The following SYN3 variants were observed in gnomAD, a reference collection of about 807,000 sequenced individuals.
SYN3 encodes synapsin-3.
SYN3 carries 35 observed loss-of-function variants against 65.8 expected under a neutral mutation model. The ratio of observed to expected loss-of-function variants is 0.53; its 90% CI spans 0.41 to 0.70. The LOEUF is 0.70. Among genes scored for constraint, SYN3 ranks in the 30% least tolerant of loss-of-function variants. The probability of loss-of-function intolerance (pLI) is 0.00; values close to 1 mark genes in which losing one functional copy is unlikely to be tolerated. For missense variants in SYN3, 680 were observed against 749.0 expected (o/e 0.91, Z 1.08); for synonymous variants, 270 against 292.9 (o/e 0.92, Z 0.80).
Position 32,958,115 on chromosome 22 carries a change from A to G in SYN3, c.369+22530T>C, listed in dbSNP as rs549834961. 4.2e-4 allele frequency among the ~76,000 whole-genome samples: 64 copies of G among 152,322 alleles called. 1 individual carries two copies. Among genetic ancestry groups the G allele is most frequent in the Admixed American group, 9.1e-4 (14 of 15,312 alleles). The stretch of plus-strand genomic sequence containing the variant: ...ATGCTCAACTCACAATGACATTCAC[A>G]TGTCCAGTGTCCACAAATAGCTGTA... On this transcript the variant is annotated intron_variant, in intron 3 of 13. Coordinates refer to ENST00000358763, the MANE Select transcript of SYN3 (RefSeq NM_003490.4).
intron 6 of SYN3, among the ~76,000 whole-genome samples, chr22:32,825,657 C>CAA (rs130292): frequency 3.5e-5 from 1 of 28,594 alleles, no homozygotes; most frequent in Non-Finnish European, 6.1e-5. Flanking sequence ...GTTTCCATCT[C>CAA]AAAAAAAAAA....
At chr22:32,679,048 C>CTTTTTTTTTTTTTTTTTTTTTTTTTTTT (rs145971116) in intron 6 of SYN3, among the ~76,000 whole-genome samples, 2 of 85,658 alleles carry the variant, frequency 2.3e-5, no homozygotes, top group Non-Finnish European at 4.2e-5. Context: ...TTGTTTCTTT[C>CTTTTTTTTTTTTTTTTTTTTTTTTTTTT]TTTTTTTTTT....
intron 6 of SYN3, among the ~76,000 whole-genome samples, chr22:32,776,033 C>T (rs150331098): frequency 1.3e-5 from 2 of 152,106 alleles, no homozygotes; most frequent in African/African-American, 2.4e-5. Context: ...TATCCTTATA[C>T]GAGGCAGGCA....
At chr22:32,874,603 C>A (rs1313657606) in intron 4 of SYN3, among the ~76,000 whole-genome samples, 6 of 152,154 alleles carry the variant, frequency 3.9e-5, no homozygotes, top group Non-Finnish European at 7.3e-5. Flanking sequence ...TGCCTGGGAC[C>A]TAAGTTAATC....
chr22:32,983,961 CA>C (rs2052444327), intron 2 of SYN3, among the ~76,000 whole-genome samples: 2 of 151,854 alleles, frequency 1.3e-5, no homozygotes, highest in Admixed American at 1.3e-4. Flanking sequence ...AGTTGGAGTC[CA>C]GACTGGCCAA....
intron 6 of SYN3, among the ~76,000 whole-genome samples, chr22:32,717,360 C>T (rs1013226176): frequency 2.6e-5 from 4 of 152,134 alleles, no homozygotes; most frequent in Non-Finnish European, 5.9e-5. Context: ...TGTTTGGGGC[C>T]CAATATCTGA....
At chr22:32,951,286 G>A (rs1396465520) in intron 3 of SYN3, among the ~76,000 whole-genome samples, 1 of 151,762 alleles carries the variant, frequency 6.6e-6, no homozygotes, top group African/African-American at 2.4e-5. Flanking sequence ...GGGCTTCCCT[G>A]AGCCAGCAGC....
chr22:32,904,913 T>C (rs893788380), intron 4 of SYN3, among the ~76,000 whole-genome samples: 2 of 152,190 alleles, frequency 1.3e-5, no homozygotes, highest in East Asian at 3.8e-4. Context: ...CTCCTGTCCA[T>C]GGATAATGGT....
chr22:32,795,752 T>C (rs1009905418), intron 6 of SYN3, among the ~76,000 whole-genome samples: 2 of 152,044 alleles, frequency 1.3e-5, no homozygotes, highest in Admixed American at 6.5e-5. Flanking sequence ...AAGGTATAGA[T>C]GGAGAGGTAG....
intron 6 of SYN3, among the ~76,000 whole-genome samples, chr22:32,770,219 C>T (rs1222880280): frequency 6.6e-6 from 1 of 152,176 alleles, no homozygotes; most frequent in Admixed American, 6.5e-5. Flanking sequence ...CTATCACTAA[C>T]TCCTGATCCA....
intron 3 of SYN3, among the ~76,000 whole-genome samples, chr22:32,958,413 C>G (rs543696880): frequency 6.6e-6 from 1 of 152,224 alleles, no homozygotes; most frequent in Admixed American, 6.5e-5. Flanking sequence ...TTATCCCAGC[C>G]AGTACATTAG....
chr22:32,596,821 C>G lies in SYN3; in HGVS notation c.712-85G>C, dbSNP rs530847850. On this transcript the variant is annotated intron_variant, in intron 6 of 13. Coordinates refer to ENST00000358763, the MANE Select transcript of SYN3 (RefSeq NM_003490.4). ...GGTGCTGCTTGTTCCATAGAAAGAT[C>G]CATTCATTTCATATGGTCGGGAATC... 2.6e-5 allele frequency: 36 copies of G among 1,366,340 alleles called. No homozygotes were observed. In the African/African-American group the frequency reaches 4.6e-4, roughly 17 times the overall value. 84.6% of individuals were successfully genotyped at this position (1,366,340 alleles called of 1,614,324 possible). A position where few individuals can be genotyped will look rare whatever the true frequency, so the allele number is the denominator to read the frequency against.
intron 5 of SYN3, among the ~76,000 whole-genome samples, chr22:32,865,205 A>G (rs1257529478): frequency 6.6e-6 from 1 of 152,048 alleles, no homozygotes; most frequent in African/African-American, 2.4e-5. Context: ...TAACCCCTCC[A>G]TTTCTGCCCA....
At position 33,006,455 on chromosome 22, in the gene SYN3, C is replaced by A; in HGVS notation, c.208G>T (p.Ala70Ser). 6.2e-7 allele frequency: 1 copy of A among 1,614,158 alleles called. No individual in the cohort carries two copies. Among genetic ancestry groups the A allele is most frequent in the Non-Finnish European group, 8.5e-7 (1 of 1,180,038 alleles). ...ATCAGTCCTGAGGTGGCCTGAGGGG[C>A]CTGCTTCATGGCACTGGAGAGGGAG... ...FSSLSSAMKQAPQATSGLMEP... is the reference protein window; with the variant it reads ...FSSLSSAMKQSPQATSGLMEP... The change falls in exon 2 of 14, where the codon GCC becomes TCC. Residue 70 changes from alanine (A) to serine (S), a missense_variant. Ala to Ser is a moderately conservative substitution (Grantham distance 99). Coordinates refer to ENST00000358763, the MANE Select transcript of SYN3 (RefSeq NM_003490.4).
At chr22:32,749,613 C>G (rs1025512030) in intron 6 of SYN3, among the ~76,000 whole-genome samples, 1 of 152,118 alleles carries the variant, frequency 6.6e-6, no homozygotes, top group African/African-American at 2.4e-5. Flanking sequence ...TGCACTCCAG[C>G]CTGGGTGACA....
At chr22:32,777,796 C>CT (rs904494826) in intron 6 of SYN3, among the ~76,000 whole-genome samples, 11 of 151,930 alleles carry the variant, frequency 7.2e-5, no homozygotes, top group South Asian at 2.1e-4. Context: ...TGAATTAACT[C>CT]TTTTTTTTGT....
intron 7 of SYN3, among the ~76,000 whole-genome samples, chr22:32,554,640 C>T (rs528707954): frequency 4.7e-4 from 72 of 152,264 alleles, no homozygotes; most frequent in Admixed American, 1.4e-3. Context: ...AATAGCCAAT[C>T]GGAATTAGCT....
rs181240941 is a variant in SYN3 at position 32,868,846 on chromosome 22, G to A, written c.621+120C>T. The A allele has an allele frequency of 4.3e-5, 35 of 817,566 alleles. No homozygotes were observed. In the Admixed American group the frequency reaches 8.2e-4, roughly 19 times the overall value. 50.6% of individuals were successfully genotyped at this position (817,566 alleles called of 1,614,324 possible). A position where few individuals can be genotyped will look rare whatever the true frequency, so the allele number is the denominator to read the frequency against. ...AGCCCTAGGATCCAAGTTCAGTTCAGTTGCTTAAATAAGAATTTTTACTAC... is the reference window on the plus strand; with the variant it reads ...AGCCCTAGGATCCAAGTTCAGTTCAATTGCTTAAATAAGAATTTTTACTAC... On this transcript the variant is annotated intron_variant, in intron 5 of 13. Transcript: ENST00000358763.
chr22:32,977,622 T>A (rs1454628894), intron 3 of SYN3, among the ~76,000 whole-genome samples: 1 of 151,682 alleles, frequency 6.6e-6, no homozygotes, highest in East Asian at 1.9e-4. Flanking sequence ...CAGGTGCTTG[T>A]AGTCCCAGCT....
Sources: gnomAD v4.1 joint callset for allele counts (sites outside exome capture counted in the v4.1 genomes callset) on GRCh38, gnomAD v4.1.1 for gene constraint, MANE v1.5 for transcripts, NCBI Gene and HGNC (gene_info 2026-07-23, HGNC 2026-07-21) for gene names.